LAPTM5: variants seen among roughly 807,000 people sequenced by gnomAD.
LAPTM5 encodes the protein lysosomal protein transmembrane 5, also known as lysosomal-associated transmembrane protein 5.
In LAPTM5, 11 loss-of-function variants were observed where a neutral mutation model predicts 30.1. That is an observed-to-expected ratio of 0.37 (90% CI 0.23 to 0.60). LAPTM5 has a LOEUF of 0.60. Among genes scored for constraint, LAPTM5 ranks in the 20% least tolerant of loss-of-function variants. The pLI, the probability that LAPTM5 is intolerant of heterozygous loss-of-function variation, is 0.71. For synonymous variants in LAPTM5, 151 were observed against 137.9 expected (o/e 1.10, Z -0.67); for missense variants, 324 against 332.5 (o/e 0.97, Z 0.20).
intron 1 of LAPTM5, among the ~76,000 whole-genome samples, chr1:30,755,351 G>C (rs6685295): frequency 0.16 from 24,466 of 151,742 alleles, 2,572 homozygotes; most frequent in Admixed American, 0.29. Flanking sequence ...GAATTATCCA[G>C]CCCAAAATAT....
At chr1:30,747,908 T>C (rs940374068) in intron 1 of LAPTM5, among the ~76,000 whole-genome samples, 1 of 151,990 alleles carries the variant, frequency 6.6e-6, no homozygotes, top group African/African-American at 2.4e-5. Context: ...AGAGATGCTG[T>C]TGGTGATGTT....
At position 30,737,586 on chromosome 1, in the gene LAPTM5, G is replaced by A. The variant is rs375929465; in HGVS notation, c.606+18C>T. 214 of 1,589,550 alleles carry A rather than the reference G, an allele frequency of 1.3e-4. 1 individual carries two copies. In the African/African-American group the frequency reaches 2.5e-3, roughly 19 times the overall value. ...CCTCACCACCCCTCCCAGAGCCGCA[G>A]GGCAGGGATCCACTCACCTTGAAGA... On this transcript the variant is annotated intron_variant, in intron 6 of 7. Coordinates refer to ENST00000294507, the MANE Select transcript of LAPTM5 (RefSeq NM_006762.3).
At chr1:30,751,025 G>A (rs991417121) in intron 1 of LAPTM5, among the ~76,000 whole-genome samples, 4 of 152,268 alleles carry the variant, frequency 2.6e-5, no homozygotes, top group Non-Finnish European at 5.9e-5. Context: ...AGCTCAGAGC[G>A]AAGTCCTGGT....
chr1:30,757,241 C>A (rs1417213237), intron 1 of LAPTM5, among the ~76,000 whole-genome samples: 1 of 152,214 alleles, frequency 6.6e-6, no homozygotes, highest in African/African-American at 2.4e-5. Flanking sequence ...CTGCGGCCGA[C>A]CTCACATCCC....
chr1:30,735,859 G>A (rs2124175629), intron 6 of LAPTM5, among the ~76,000 whole-genome samples: 1 of 152,266 alleles, frequency 6.6e-6, no homozygotes, highest in East Asian at 1.9e-4. Flanking sequence ...TAAGAGGAGA[G>A]GGTCCTGTAC....
intron 1 of LAPTM5, among the ~76,000 whole-genome samples, chr1:30,755,627 AC>A (rs1229208888): frequency 6.6e-6 from 1 of 151,892 alleles, no homozygotes; most frequent in Non-Finnish European, 1.5e-5. Flanking sequence ...ATATCACACC[AC>A]CATTTACAGG....
intron 1 of LAPTM5, among the ~76,000 whole-genome samples, chr1:30,756,930 C>A (rs1387068181): frequency 6.6e-6 from 1 of 152,164 alleles, no homozygotes; most frequent in Non-Finnish European, 1.5e-5. Context: ...GCAGCCTTGG[C>A]CCCCGGGCAC....
In LAPTM5 at chr1:30,735,237, C is replaced by T. The variant is rs1639869342; in HGVS notation, c.635G>A (p.Cys212Tyr). 3.1e-6 allele frequency: 5 copies of T among 1,613,988 alleles called. No homozygotes were observed. The Admixed American group carries it at 6.7e-5, about 22-fold the overall frequency. Reference protein sequence around the residue: ...KVYMFKCVWRCYRLIKCMNSV... With the variant: ...KVYMFKCVWRYYRLIKCMNSV... Reference sequence around the variant, plus strand: ...GTTCATGCACTTGATCAATCTGTAGCACCGCCACACGCACTTGAACATGTA... The same window carrying T: ...GTTCATGCACTTGATCAATCTGTAGTACCGCCACACGCACTTGAACATGTA... The change falls in exon 7 of 8, where the codon TGC becomes TAC. Residue 212 changes from cysteine to tyrosine, a missense_variant. Transcript: ENST00000294507.
Position 30,739,665 on chromosome 1 carries a change from T to G in LAPTM5, c.387+144A>C, listed in dbSNP as rs1639939334. 1.1e-6 allele frequency: 1 copy of G among 925,030 alleles called. No individual in the cohort carries two copies. Among genetic ancestry groups the G allele is most frequent in the African/African-American group, 1.7e-5 (1 of 58,944 alleles). 57.3% of individuals were successfully genotyped at this position (925,030 alleles called of 1,614,324 possible). On this transcript the variant is annotated intron_variant, in intron 4 of 7. Coordinates refer to ENST00000294507, the MANE Select transcript of LAPTM5 (RefSeq NM_006762.3). This position sits in a 1 kb window ranked among gnomAD's most constrained non-coding sequence, Gnocchi z 4.2. Reference sequence around the variant, plus strand: ...GAAACTTGGGGCAATGTGGAGGGACTCAGAGACTGGGTCAAGACACCAGCC... The same window carrying G: ...GAAACTTGGGGCAATGTGGAGGGACGCAGAGACTGGGTCAAGACACCAGCC...
chr1:30,740,279 G>A (rs1205701259), intron 3 of LAPTM5, among the ~76,000 whole-genome samples: 3 of 152,144 alleles, frequency 2.0e-5, no homozygotes, highest in African/African-American at 7.2e-5. Context: ...GGACTTGCTG[G>A]AGGTGGGGAC....
chr1:30,736,678 CT>C (rs1639889385), intron 6 of LAPTM5, among the ~76,000 whole-genome samples: 5 of 152,148 alleles, frequency 3.3e-5, no homozygotes, highest in Admixed American at 2.6e-4. Context: ...TCAAGCAATC[CT>C]CCCAATTCAG....
Position 30,746,721 on chromosome 1 carries a change from G to A in LAPTM5, c.88-4172C>T, listed in dbSNP as rs1640051912. Reference sequence around the variant, plus strand: ...AGAGCTCGGGTGCTGGGGTCAGATGGCCCCAGGCCCCAGCCGAGCTCTGCA... The same window carrying A: ...AGAGCTCGGGTGCTGGGGTCAGATGACCCCAGGCCCCAGCCGAGCTCTGCA... On this transcript the variant is annotated intron_variant, in intron 1 of 7. Coordinates refer to ENST00000294507, the MANE Select transcript of LAPTM5 (RefSeq NM_006762.3). The surrounding 1 kb of genome is among the most constrained non-coding windows in gnomAD (Gnocchi z 4.0). Among the ~76,000 whole-genome samples, 1 of 150,816 alleles carries A rather than the reference G, an allele frequency of 6.6e-6. No individual in the cohort carries two copies. The highest frequency in any genetic ancestry group is 6.6e-5 in the Admixed American group (1 of 15,194).
chr1:30,734,791 C>T (rs1169400269), intron 7 of LAPTM5, among the ~76,000 whole-genome samples: 1 of 152,242 alleles, frequency 6.6e-6, no homozygotes, highest in African/African-American at 2.4e-5. Context: ...CTGTCACCTC[C>T]TCCAGGAAGG....
chr1:30,750,768 C>T (rs1313004269), intron 1 of LAPTM5, among the ~76,000 whole-genome samples: 2 of 152,220 alleles, frequency 1.3e-5, no homozygotes, highest in Non-Finnish European at 2.9e-5. Flanking sequence ...CCTGTTTCCT[C>T]ATCTGTAAAA....
rs140866028 is a variant in LAPTM5, at chr1:30,738,187, G to C, written c.511-488C>G. ...TTCTTTGAGACGCCTCCCTTCTAAA[G>C]GTGGTGTTTATTTCCTCTCCCCTTG... On this transcript the variant is annotated intron_variant, in intron 5 of 7. Coordinates refer to ENST00000294507, the MANE Select transcript of LAPTM5 (RefSeq NM_006762.3). 5.3e-5 allele frequency among the ~76,000 whole-genome samples: 8 copies of C among 152,330 alleles called. No individual in the cohort carries two copies. The East Asian group carries it at 1.5e-3, about 29-fold the overall frequency.
chr1:30,739,795 G>A lies in LAPTM5; in HGVS notation c.387+14C>T, dbSNP rs985689247. 6.3e-7 allele frequency: 1 copy of A among 1,587,954 alleles called. No homozygotes were observed. The highest frequency in any genetic ancestry group is 1.7e-4 in the Middle Eastern group (1 of 5,834). On this transcript the variant is annotated intron_variant, in intron 4 of 7. Coordinates refer to ENST00000294507, the MANE Select transcript of LAPTM5 (RefSeq NM_006762.3). The surrounding 1 kb of genome is among the most constrained non-coding windows in gnomAD (Gnocchi z 4.2). ...GCTCTGCTGTCCGGTGAGAGGTGGG[G>A]GCTGGGTACTCACAGCACGGCTCCG... is the stretch of plus-strand genomic sequence containing the variant.
chr1:30,737,722 A>G, intron 5 of LAPTM5, 23 bp from the exon 6 acceptor site: 2 of 1,503,846 alleles, frequency 1.3e-6, no homozygotes, highest in Non-Finnish European at 9.3e-7. Flanking sequence ...TGGGGGCCAC[A>G]TCAATGTCTC....
intron 1 of LAPTM5, among the ~76,000 whole-genome samples, chr1:30,744,149 G>A (rs1640011747): frequency 6.6e-6 from 1 of 152,094 alleles, no homozygotes; most frequent in Non-Finnish European, 1.5e-5. Flanking sequence ...CCAGGAGCAC[G>A]GTGCATGCTC....
intron 6 of LAPTM5, 107 bp downstream of exon 6, chr1:30,737,497 G>A: frequency 1.4e-6 from 1 of 718,166 alleles, no homozygotes; most frequent in Non-Finnish European, 2.4e-6. Context: ...AGGAGAGGAG[G>A]CATGGAGGAC....
Sources: gnomAD v4.1 joint callset for allele counts (sites outside exome capture counted in the v4.1 genomes callset) on GRCh38, gnomAD v4.1.1 for gene constraint, Gnocchi (gnomAD v3.1) non-coding constraint, MANE v1.5 for transcripts, NCBI Gene and HGNC (gene_info 2026-07-23, HGNC 2026-07-21) for gene names.